IGF2BP2: variants seen among roughly 807,000 people sequenced by gnomAD.
The protein encoded by IGF2BP2 is insulin-like growth factor 2 mRNA-binding protein 2.
IGF2BP2 carries 17 observed loss-of-function variants against 75.8 expected under a neutral mutation model. The observed-to-expected ratio is 0.22, with a 90% CI of 0.15 to 0.34. The LOEUF is 0.34. Among genes scored for constraint, IGF2BP2 ranks in the 10% least tolerant of loss-of-function variants. IGF2BP2 has a pLI of 1.00. For missense variants in IGF2BP2, 516 were observed against 772.4 expected, an observed-to-expected ratio of 0.67 and a Z score of 3.93; for synonymous variants, 288 against 295.6, an observed-to-expected ratio of 0.97 and a Z score of 0.26.
chr3:185,652,317 C>T, intron 12 of IGF2BP2, 149 bp from the exon 13 acceptor site: 1 of 668,098 alleles, frequency 1.5e-6, no homozygotes. Context: ...CATGCTGCCT[C>T]CACCCTGGTC....
chr3:185,768,802 C>A (rs1049381494), intron 2 of IGF2BP2, among the ~76,000 whole-genome samples: 1 of 152,080 alleles, frequency 6.6e-6, no homozygotes, highest in Non-Finnish European at 1.5e-5. Flanking sequence ...GAGGCTGAGG[C>A]GGGTGGATCA....
At chr3:185,666,321 C>A (rs116118839) in intron 10 of IGF2BP2, among the ~76,000 whole-genome samples, 2 of 152,094 alleles carry the variant, frequency 1.3e-5, no homozygotes, top group African/African-American at 4.8e-5. Flanking sequence ...CTGGATTATG[C>A]GGTTGTGTAT....
intron 2 of IGF2BP2, chr3:185,713,255 G>A: frequency 2.8e-6 from 1 of 354,942 alleles, no homozygotes; most frequent in Non-Finnish European, 5.6e-6. Flanking sequence ...CCATAACTCA[G>A]ATGTTGGTTA....
intron 10 of IGF2BP2, among the ~76,000 whole-genome samples, chr3:185,668,625 C>A (rs1372820396): frequency 6.7e-6 from 1 of 148,696 alleles, no homozygotes; most frequent in African/African-American, 2.5e-5. Flanking sequence ...TATAAATGAA[C>A]ATATATATAA....
chr3:185,729,426 T>C lies in IGF2BP2; in HGVS notation c.240-31079A>G, dbSNP rs116028332. Reference sequence around the variant, plus strand: ...CAGTATTTGTTGCCAATGATAAAATTTGACCTCTTAAGAACTAGAATTTTG... The same window carrying C: ...CAGTATTTGTTGCCAATGATAAAATCTGACCTCTTAAGAACTAGAATTTTG... On this transcript the variant is annotated intron_variant, in intron 2 of 15. Transcript: ENST00000382199. Among the ~76,000 whole-genome samples the C allele has an allele frequency of 4.1e-3, 621 of 152,328 alleles. 6 individuals are homozygous for C. Among genetic ancestry groups the C allele is most frequent in the African/African-American group, 0.013 (536 of 41,566 alleles).
chr3:185,675,236 G>A (rs1719149157), intron 9 of IGF2BP2, 60 bp downstream of exon 9: 3 of 1,556,986 alleles, frequency 1.9e-6, no homozygotes. Flanking sequence ...CTCATTAGCT[G>A]AATGGCAAGT....
intron 10 of IGF2BP2, among the ~76,000 whole-genome samples, chr3:185,663,818 C>G (rs1246579436): frequency 6.6e-6 from 1 of 152,162 alleles, no homozygotes; most frequent in Non-Finnish European, 1.5e-5. Flanking sequence ...TTGCATATGT[C>G]AAACCATCCT....
intron 10 of IGF2BP2, among the ~76,000 whole-genome samples, chr3:185,662,932 G>A (rs577510484): frequency 1.4e-4 from 21 of 152,098 alleles, no homozygotes; most frequent in South Asian, 6.2e-4. Flanking sequence ...CATCTGCCTC[G>A]GCCTCCCAGA....
At chr3:185,706,095 G>A (rs773079055) in intron 2 of IGF2BP2, among the ~76,000 whole-genome samples, 11 of 152,188 alleles carry the variant, frequency 7.2e-5, no homozygotes, top group African/African-American at 1.2e-4. Flanking sequence ...GGAGCCGGAC[G>A]TCGTGGCTCA....
intron 4 of IGF2BP2, among the ~76,000 whole-genome samples, chr3:185,696,109 AT>A (rs1452316002): frequency 1.3e-5 from 2 of 151,914 alleles, no homozygotes; most frequent in African/African-American, 2.4e-5. Flanking sequence ...TTAAATATAG[AT>A]TCACGAGCTC....
chr3:185,796,586 AT>A (rs1737430396), intron 2 of IGF2BP2, among the ~76,000 whole-genome samples: 1 of 139,642 alleles, frequency 7.2e-6, no homozygotes, highest in Admixed American at 7.0e-5. Flanking sequence ...AAAAAAAAAA[AT>A]TCCAGGGACA....
intron 2 of IGF2BP2, chr3:185,722,282 GA>G (rs1440772067): frequency 2.2e-6 from 1 of 456,294 alleles, no homozygotes; most frequent in East Asian, 7.0e-5. Flanking sequence ...GGCACAAAAA[GA>G]GGAAATCACC....
intron 2 of IGF2BP2, among the ~76,000 whole-genome samples, chr3:185,758,463 C>T (rs1731923294): frequency 6.6e-6 from 1 of 152,212 alleles, no homozygotes; most frequent in South Asian, 2.1e-4. Context: ...AAGGACAGGA[C>T]CACCTACCTC....
At position 185,645,808 on chromosome 3, in the gene IGF2BP2, C is replaced by T. The variant is rs1713420387; in HGVS notation, c.1708-185G>A. On this transcript the variant is annotated intron_variant, in intron 15 of 15. Transcript: ENST00000382199. This position sits in a 1 kb window ranked among gnomAD's most constrained non-coding sequence, Gnocchi z 4.9. ...TGCCTGGAAGTAAGTGGCAGAGGTC[C>T]CCCCTCCACTCCCACCCCAAGGTCC... 6.6e-6 allele frequency among the ~76,000 whole-genome samples: 1 copy of T among 152,008 alleles called. No homozygotes were observed. Among genetic ancestry groups the T allele is most frequent in the African/African-American group, 2.4e-5 (1 of 41,366 alleles).
At chr3:185,753,906 G>GTT (rs1731269510) in intron 2 of IGF2BP2, among the ~76,000 whole-genome samples, 1 of 151,960 alleles carries the variant, frequency 6.6e-6, no homozygotes, top group Non-Finnish European at 1.5e-5. Context: ...AGATCTGGTT[G>GTT]TTTAAAAGAG....
chr3:185,682,958 T>C (rs1720602716), intron 7 of IGF2BP2, among the ~76,000 whole-genome samples: 1 of 152,230 alleles, frequency 6.6e-6, no homozygotes, highest in Admixed American at 6.5e-5. Flanking sequence ...TCCACAAGAA[T>C]TGAAAAGAGG....
At chr3:185,807,183 G>T (rs1739137892) in intron 2 of IGF2BP2, among the ~76,000 whole-genome samples, 1 of 152,126 alleles carries the variant, frequency 6.6e-6, no homozygotes, top group Non-Finnish European at 1.5e-5. Context: ...AGGTTTCTGA[G>T]ATAATACAGA....
intron 2 of IGF2BP2, among the ~76,000 whole-genome samples, chr3:185,723,391 G>T (rs1726855807): frequency 6.6e-6 from 1 of 152,180 alleles, no homozygotes; most frequent in African/African-American, 2.4e-5. Flanking sequence ...AAGATGGTTA[G>T]GCCAATCCCT....
chr3:185,811,201 T>C (rs975403581), intron 2 of IGF2BP2, among the ~76,000 whole-genome samples: 1 of 152,124 alleles, frequency 6.6e-6, no homozygotes, highest in Non-Finnish European at 1.5e-5. Flanking sequence ...GGTAAAATAA[T>C]AACTGATGAA....
Sources: allele counts gnomAD v4.1 joint callset (sites outside exome capture counted in the v4.1 genomes callset), GRCh38; gene constraint gnomAD v4.1.1; non-coding constraint Gnocchi (gnomAD v3.1); transcripts MANE v1.5; gene names NCBI Gene and HGNC (gene_info 2026-07-23, HGNC 2026-07-21).